OLA1: variants seen among roughly 807,000 people sequenced by gnomAD.
OLA1 encodes obg-like ATPase 1.
In OLA1, 14 loss-of-function variants were observed where a neutral mutation model predicts 48.4. The observed-to-expected ratio is 0.29, with a 90% CI of 0.19 to 0.45. The LOEUF (loss-of-function observed/expected upper bound fraction) is 0.45. Among genes scored for constraint, OLA1 ranks in the 20% least tolerant of loss-of-function variants. The pLI, the probability that OLA1 is intolerant of heterozygous loss-of-function variation, is 1.00. For synonymous variants in OLA1, 127 were observed against 150.4 expected (o/e 0.84, Z 1.14); for missense variants, 325 against 467.1 (o/e 0.70, Z 2.80).
At chr2:174,221,034 T>TA (rs1559012261) in intron 4 of OLA1, among the ~76,000 whole-genome samples, 2 of 151,912 alleles carry the variant, frequency 1.3e-5, no homozygotes, top group Non-Finnish European at 2.9e-5. Context: ...AGGATTTTTT[T>TA]AAAATTCTGA....
At chr2:174,090,634 C>T (rs1685093600) in intron 7 of OLA1, among the ~76,000 whole-genome samples, 1 of 152,166 alleles carries the variant, frequency 6.6e-6, no homozygotes, top group African/African-American at 2.4e-5. Flanking sequence ...TTTTGGATTT[C>T]ATCCTTGGAA....
chr2:174,137,835 G>T (rs1686349328), intron 5 of OLA1, among the ~76,000 whole-genome samples: 1 of 152,162 alleles, frequency 6.6e-6, no homozygotes, highest in African/African-American at 2.4e-5. Flanking sequence ...GAATATTGTG[G>T]ATAGTTTGAT....
chr2:174,185,874 C>T (rs1687646762), intron 4 of OLA1, among the ~76,000 whole-genome samples: 1 of 152,062 alleles, frequency 6.6e-6, no homozygotes, highest in Non-Finnish European at 1.5e-5. Flanking sequence ...TTGCAGTGAA[C>T]CAAGATCATG....
intron 7 of OLA1, among the ~76,000 whole-genome samples, chr2:174,083,600 G>A (rs568132088): frequency 1.3e-5 from 2 of 152,096 alleles, no homozygotes; most frequent in South Asian, 2.1e-4. Flanking sequence ...AAAAAAGGTG[G>A]GGGGACTGAA....
At chr2:174,089,146 C>T (rs1033311369) in intron 7 of OLA1, among the ~76,000 whole-genome samples, 10 of 151,956 alleles carry the variant, frequency 6.6e-5, no homozygotes, top group African/African-American at 2.4e-4. Context: ...GAGTTGGAGG[C>T]TACAGTGAGC....
chr2:174,167,937 A>T (rs1687204504), intron 4 of OLA1, among the ~76,000 whole-genome samples: 1 of 152,194 alleles, frequency 6.6e-6, no homozygotes, highest in Admixed American at 6.5e-5. Flanking sequence ...ACCACTGACC[A>T]CCCTGGTGGG....
intron 4 of OLA1, among the ~76,000 whole-genome samples, chr2:174,177,757 A>G (rs1380494971): frequency 3.3e-5 from 5 of 151,882 alleles, no homozygotes; most frequent in African/African-American, 9.7e-5. Context: ...TGACAAAGTC[A>G]GCCAGCTTAA....
At chr2:174,083,814 C>T (rs1389050085) in intron 7 of OLA1, among the ~76,000 whole-genome samples, 1 of 151,990 alleles carries the variant, frequency 6.6e-6, no homozygotes, top group Non-Finnish European at 1.5e-5. Context: ...AAAACAAGCC[C>T]ATGTAAAAGG....
chr2:174,163,716 ATATATATATATATATATATAT>A (rs1558984421), intron 4 of OLA1, among the ~76,000 whole-genome samples: 2,471 of 17,916 alleles, frequency 0.14, 214 homozygotes, highest in Admixed American at 0.17. Flanking sequence ...AAATAAATAT[ATATATATATATATATATATAT>A]ATATATATAT....
intron 5 of OLA1, among the ~76,000 whole-genome samples, chr2:174,132,554 C>A (rs1037777216): frequency 2.6e-5 from 4 of 152,066 alleles, no homozygotes; most frequent in African/African-American, 9.7e-5. Flanking sequence ...TGTTTATTAT[C>A]ATAAACTATT....
chr2:174,209,543 C>G (rs555393397), intron 4 of OLA1, among the ~76,000 whole-genome samples: 9 of 151,726 alleles, frequency 5.9e-5, no homozygotes, highest in Non-Finnish European at 1.2e-4. Context: ...CAAGAAACAT[C>G]AACTCCAAAG....
intron 2 of OLA1, among the ~76,000 whole-genome samples, chr2:174,236,933 G>A (rs371507749): frequency 6.6e-6 from 1 of 152,134 alleles, no homozygotes; most frequent in Non-Finnish European, 1.5e-5. Context: ...GGACATTACT[G>A]CACACTACTG....
chr2:174,098,718 G>T (rs1273767265), intron 7 of OLA1, among the ~76,000 whole-genome samples: 3 of 152,088 alleles, frequency 2.0e-5, no homozygotes, highest in Non-Finnish European at 4.4e-5. Context: ...ACTTCAGAGG[G>T]TTATGATGAA....
rs368502502 is a variant in OLA1 at position 174,081,223 on chromosome 2, C to T, written c.895G>A (p.Gly299Arg). The change falls in exon 9 of 11, where the codon GGG becomes AGG. Residue 299 changes from glycine (G) to arginine (R), a missense_variant. Coordinates refer to ENST00000284719, the MANE Select transcript of OLA1 (RefSeq NM_013341.5). ...TATTCTAGTTGGAGTGCTGCAAACC[C>T]AGCCTTAATGATCTTTGGCAAAGCA... ...QSALPKIIKAGFAALQLEYFF... is the reference protein window; with the variant it reads ...QSALPKIIKARFAALQLEYFF... 6.2e-7 allele frequency: 1 copy of T among 1,611,048 alleles called. No homozygotes were observed. The highest frequency in any genetic ancestry group is 8.5e-7 in the Non-Finnish European group (1 of 1,178,938).
chr2:174,123,576 C>T lies in OLA1; in HGVS notation c.630+19G>A. The T allele has an allele frequency of 1.4e-6, 2 of 1,463,186 alleles. No individual in the cohort carries two copies. The highest frequency in any genetic ancestry group is 9.4e-7 in the Non-Finnish European group (1 of 1,065,004). 90.6% of individuals were successfully genotyped at this position (1,463,186 alleles called of 1,614,324 possible). On this transcript the variant is annotated intron_variant, in intron 6 of 10. Coordinates refer to ENST00000284719, the MANE Select transcript of OLA1 (RefSeq NM_013341.5). ...TGAAAGCAAAGGCAGTAATAGATGG[C>T]ATGATATTTACAACTTACCTCTTTG...
At chr2:174,244,629 A>AT (rs982039482) in intron 2 of OLA1, among the ~76,000 whole-genome samples, 28 of 149,702 alleles carry the variant, frequency 1.9e-4, no homozygotes, top group Middle Eastern at 3.2e-3. Context: ...TTAAAAAAAA[A>AT]TTTTTTTTTT....
chr2:174,080,086 T>G (rs1684825224), intron 9 of OLA1, among the ~76,000 whole-genome samples: 1 of 152,086 alleles, frequency 6.6e-6, no homozygotes, highest in African/African-American at 2.4e-5. Flanking sequence ...GGATTTGCTT[T>G]GACATTATTT....
chr2:174,161,520 C>A (rs967767851), intron 4 of OLA1, among the ~76,000 whole-genome samples: 2 of 151,890 alleles, frequency 1.3e-5, no homozygotes, highest in Admixed American at 1.3e-4. Context: ...CTATAATTAG[C>A]CAGGTATGGC....
chr2:174,156,146 T>C (rs1488197425), intron 4 of OLA1, among the ~76,000 whole-genome samples: 1 of 152,074 alleles, frequency 6.6e-6, no homozygotes, highest in African/African-American at 2.4e-5. Context: ...TATTTATAAA[T>C]GAAAAGCTAA....
Sources: gnomAD v4.1 joint callset for allele counts (sites outside exome capture counted in the v4.1 genomes callset) on GRCh38, gnomAD v4.1.1 for gene constraint, MANE v1.5 for transcripts, NCBI Gene and HGNC (gene_info 2026-07-23, HGNC 2026-07-21) for gene names.